The following CSMD2 variants were observed in gnomAD, a reference collection of about 807,000 sequenced individuals.
CSMD2 encodes CUB and Sushi multiple domains 2.
A neutral mutation model predicts 398.5 loss-of-function variants in CSMD2; 130 were observed. The ratio of observed to expected loss-of-function variants is 0.33; its 90% CI spans 0.28 to 0.38. The LOEUF (loss-of-function observed/expected upper bound fraction) is 0.38, where lower values mean the gene tolerates loss of function less well. CSMD2 is among the 10% of genes least tolerant of loss of function. The pLI is 1.00. For synonymous variants in CSMD2, 1,828 were observed against 1,908.5 expected (o/e 0.96, Z 1.10); for missense variants, 3,829 against 4,764.9 (o/e 0.80, Z 5.78).
intron 3 of CSMD2, among the ~76,000 whole-genome samples, chr1:33,999,004 A>G (rs1256016032): frequency 6.6e-6 from 1 of 152,140 alleles, no homozygotes; most frequent in African/African-American, 2.4e-5. Context: ...ATTGAAGAAG[A>G]GGCTTTGGAA....
chr1:33,774,925 C>CTAGA (rs748622502), intron 12 of CSMD2, among the ~76,000 whole-genome samples: 1 of 152,186 alleles, frequency 6.6e-6, no homozygotes. Context: ...AGTTGCTGTG[C>CTAGA]TAGACCCTTG....
intron 3 of CSMD2, among the ~76,000 whole-genome samples, chr1:34,025,422 T>C (rs1649519992): frequency 6.6e-6 from 1 of 152,144 alleles, no homozygotes; most frequent in Non-Finnish European, 1.5e-5. Flanking sequence ...CCAGTAAATA[T>C]TAGCTCAATG....
At chr1:33,752,380 T>C (rs1479498658) in intron 13 of CSMD2, among the ~76,000 whole-genome samples, 1 of 152,172 alleles carries the variant, frequency 6.6e-6, no homozygotes, top group Non-Finnish European at 1.5e-5. Context: ...GCCCCCACCC[T>C]ACCTTGCTCC....
chr1:33,929,936 T>C (rs1230919352), intron 4 of CSMD2, among the ~76,000 whole-genome samples: 3 of 152,176 alleles, frequency 2.0e-5, no homozygotes, highest in Non-Finnish European at 4.4e-5. Context: ...CCCTGACTGC[T>C]CCGTCTAAAG....
chr1:33,731,466 AT>A (rs1362470232), intron 15 of CSMD2, among the ~76,000 whole-genome samples: 1 of 152,210 alleles, frequency 6.6e-6, no homozygotes, highest in African/African-American at 2.4e-5. Context: ...GTTCAATCTG[AT>A]TAAGTTTCTA....
chr1:33,642,294 C>T (rs1472565855), intron 29 of CSMD2, among the ~76,000 whole-genome samples: 1 of 145,344 alleles, frequency 6.9e-6, no homozygotes, highest in African/African-American at 2.6e-5. Context: ...TTGCAGTGAG[C>T]TGAGATTGCG....
At chr1:34,063,485 G>A (rs3012024) in intron 2 of CSMD2, among the ~76,000 whole-genome samples, 9,491 of 152,210 alleles carry the variant, frequency 0.062, 789 homozygotes, top group African/African-American at 0.19. Context: ...ATGCAAGTCC[G>A]AAATCCAGAT....
At chr1:33,674,797 A>C (rs998947891) in intron 25 of CSMD2, among the ~76,000 whole-genome samples, 2 of 152,262 alleles carry the variant, frequency 1.3e-5, no homozygotes, top group African/African-American at 2.4e-5. Flanking sequence ...ACTCAGGGTT[A>C]AGAAACTCAC....
At chr1:34,141,844 A>G (rs1320015632) in intron 1 of CSMD2, among the ~76,000 whole-genome samples, 1 of 152,166 alleles carries the variant, frequency 6.6e-6, no homozygotes, top group Non-Finnish European at 1.5e-5. Context: ...AAAGAAGAAG[A>G]TGGCTCGGAC....
chr1:33,909,042 C>T (rs1022482311), intron 5 of CSMD2, among the ~76,000 whole-genome samples: 2 of 152,160 alleles, frequency 1.3e-5, no homozygotes, highest in South Asian at 2.1e-4. Context: ...GTCTGAGGCT[C>T]GGTTAGAATG....
At chr1:34,117,190 C>T (rs1393538868) in intron 1 of CSMD2, among the ~76,000 whole-genome samples, 1 of 151,546 alleles carries the variant, frequency 6.6e-6, no homozygotes, top group East Asian at 1.9e-4. Context: ...GAAAAATAAA[C>T]AAAATTAAGA....
intron 3 of CSMD2, among the ~76,000 whole-genome samples, chr1:34,000,614 T>C (rs563446983): frequency 2.6e-5 from 4 of 152,076 alleles, no homozygotes; most frequent in African/African-American, 9.6e-5. Context: ...AGATAATTAG[T>C]AGGGAACTAG....
chr1:33,938,347 T>C (rs1255984615), intron 3 of CSMD2, among the ~76,000 whole-genome samples: 2 of 152,344 alleles, frequency 1.3e-5, no homozygotes, highest in South Asian at 4.1e-4. Context: ...TTTCCCATGA[T>C]CCTGTACTGC....
chr1:33,579,807 T>C (rs1309597746), intron 48 of CSMD2, among the ~76,000 whole-genome samples: 2 of 151,964 alleles, frequency 1.3e-5, no homozygotes, highest in South Asian at 2.1e-4. Context: ...GCCTCCCAAG[T>C]AGCTGAAATT....
chr1:33,568,423 A>G (rs556941687), intron 52 of CSMD2, among the ~76,000 whole-genome samples: 53 of 152,192 alleles, frequency 3.5e-4, no homozygotes, highest in African/African-American at 1.3e-3. Flanking sequence ...CTGGCCTCAA[A>G]TGATCCACCC....
chr1:33,633,802 T>A lies in CSMD2; in HGVS notation c.5087-267A>T, dbSNP rs1571021712. ...GGGCTGCACCCAAAGGTCAGGCGGG[T>A]AGAGGCGAAATGGAGCCAACTTTGT... On this transcript the variant is annotated intron_variant, in intron 31 of 70. Transcript: ENST00000373381. This position sits in a 1 kb window ranked among gnomAD's most constrained non-coding sequence, Gnocchi z 5.0. Among the ~76,000 whole-genome samples the A allele has an allele frequency of 6.6e-6, 1 of 152,016 alleles. No homozygotes were observed. The highest frequency in any genetic ancestry group is 2.4e-5 in the African/African-American group (1 of 41,382).
intron 5 of CSMD2, among the ~76,000 whole-genome samples, chr1:33,859,729 C>T (rs1639350362): frequency 6.6e-6 from 1 of 152,154 alleles, no homozygotes; most frequent in Non-Finnish European, 1.5e-5. Flanking sequence ...CATGCTTATG[C>T]CAGGTATGTT....
At chr1:33,647,132 C>T (rs1643490558) in intron 28 of CSMD2, among the ~76,000 whole-genome samples, 1 of 152,196 alleles carries the variant, frequency 6.6e-6, no homozygotes, top group African/African-American at 2.4e-5. Context: ...AAATGAGTTG[C>T]CAACTCTGGA....
intron 5 of CSMD2, among the ~76,000 whole-genome samples, chr1:33,867,346 C>G (rs1348994519): frequency 6.6e-6 from 1 of 152,202 alleles, no homozygotes; most frequent in East Asian, 1.9e-4. Flanking sequence ...AGCAGCCACA[C>G]AAGTGGGTAG....
Sources: gnomAD v4.1 joint callset for allele counts (sites outside exome capture counted in the v4.1 genomes callset) on GRCh38, gnomAD v4.1.1 for gene constraint, Gnocchi (gnomAD v3.1) non-coding constraint, MANE v1.5 for transcripts, NCBI Gene and HGNC (gene_info 2026-07-23, HGNC 2026-07-21) for gene names.